TAFA1: variants seen among roughly 807,000 people sequenced by gnomAD.
TAFA1 encodes chemokine-like protein TAFA-1.
Under a neutral mutation model 18.5 loss-of-function variants are expected in TAFA1, and 4 were observed. That is an observed-to-expected ratio of 0.22 (90% CI 0.11 to 0.49). TAFA1 has a LOEUF of 0.49. Among genes scored for constraint, TAFA1 ranks in the 20% least tolerant of loss-of-function variants. TAFA1 has a pLI of 0.98. For synonymous variants in TAFA1, 56 were observed against 55.2 expected, an observed-to-expected ratio of 1.01 and a Z score of -0.06; for missense variants, 147 against 169.0, an observed-to-expected ratio of 0.87 and a Z score of 0.72.
chr3:68,186,976 G>A (rs1207965770), intron 2 of TAFA1, among the ~76,000 whole-genome samples: 9 of 150,800 alleles, frequency 6.0e-5, no homozygotes, highest in Non-Finnish European at 1.0e-4. Flanking sequence ...TGAAGTTTGT[G>A]GGAAAAAAAA....
At chr3:68,459,140 G>T (rs1298261680) in intron 3 of TAFA1, among the ~76,000 whole-genome samples, 1 of 152,134 alleles carries the variant, frequency 6.6e-6, no homozygotes, top group Non-Finnish European at 1.5e-5. Flanking sequence ...TCCCTGGGAG[G>T]GGGGTACCAT....
At chr3:68,154,933 A>C (rs1396021701) in intron 2 of TAFA1, among the ~76,000 whole-genome samples, 1 of 152,192 alleles carries the variant, frequency 6.6e-6, no homozygotes, top group Non-Finnish European at 1.5e-5. Flanking sequence ...AAAAATACAA[A>C]TCATAATTTT....
intron 2 of TAFA1, among the ~76,000 whole-genome samples, chr3:68,163,671 G>C (rs2065951124): frequency 6.6e-6 from 1 of 152,134 alleles, no homozygotes. Context: ...TTTAAACTAT[G>C]ACATTTTTAA....
At chr3:68,080,142 C>CT (rs1309256185) in intron 2 of TAFA1, among the ~76,000 whole-genome samples, 32 of 152,216 alleles carry the variant, frequency 2.1e-4, no homozygotes, top group South Asian at 4.1e-4. Context: ...CAACCCCTGC[C>CT]TTTTTTTATT....
intron 3 of TAFA1, among the ~76,000 whole-genome samples, chr3:68,434,604 C>A (rs1027917577): frequency 3.3e-5 from 5 of 151,942 alleles, no homozygotes; most frequent in African/African-American, 9.7e-5. Context: ...TTCTAATATT[C>A]CTGGAAGGCA....
At chr3:68,031,098 T>C (rs189999131) in intron 2 of TAFA1, among the ~76,000 whole-genome samples, 1 of 152,314 alleles carries the variant, frequency 6.6e-6, no homozygotes, top group East Asian at 1.9e-4. Context: ...GTTTCCTATG[T>C]TAACTTAGCA....
chr3:68,429,299 G>C (rs900715880), intron 3 of TAFA1, among the ~76,000 whole-genome samples: 1 of 151,898 alleles, frequency 6.6e-6, no homozygotes, highest in Non-Finnish European at 1.5e-5. Flanking sequence ...AGTTCTTACT[G>C]TGTGCCAGAC....
intron 3 of TAFA1, among the ~76,000 whole-genome samples, chr3:68,451,361 G>A (rs1173265826): frequency 1.3e-5 from 2 of 152,168 alleles, no homozygotes; most frequent in Non-Finnish European, 2.9e-5. Flanking sequence ...GATATCCAGA[G>A]GGTAAAGACT....
At chr3:68,303,395 G>C (rs191383315) in intron 2 of TAFA1, among the ~76,000 whole-genome samples, 110 of 152,224 alleles carry the variant, frequency 7.2e-4, no homozygotes, top group Non-Finnish European at 1.4e-3. Flanking sequence ...TGCCTAAAGA[G>C]GAAACAAAAC....
chr3:68,444,769 A>C (rs1297928825), intron 3 of TAFA1, among the ~76,000 whole-genome samples: 1 of 63,618 alleles, frequency 1.6e-5, no homozygotes, highest in Non-Finnish European at 2.9e-5. Context: ...TTGTTTCTAC[A>C]AAATATATAT....
intron 2 of TAFA1, among the ~76,000 whole-genome samples, chr3:68,286,001 A>T (rs1177955430): frequency 6.6e-6 from 1 of 152,084 alleles, no homozygotes; most frequent in Non-Finnish European, 1.5e-5. Context: ...TCACGAGGTC[A>T]AGAGATTGAG....
intron 2 of TAFA1, among the ~76,000 whole-genome samples, chr3:68,060,773 A>G (rs13316249): frequency 0.35 from 53,107 of 152,066 alleles, 9,906 homozygotes; most frequent in East Asian, 0.49. Flanking sequence ...GGGCTTGAGA[A>G]AGGCTGTATA....
intron 2 of TAFA1, among the ~76,000 whole-genome samples, chr3:68,265,285 G>A: frequency 6.6e-6 from 1 of 152,268 alleles, no homozygotes; most frequent in South Asian, 2.1e-4. Context: ...TTGCTAGGAA[G>A]TCTAACCACA....
chr3:68,441,249 G>A lies in TAFA1; in HGVS notation c.259+23829G>A, dbSNP rs192562149. Among the ~76,000 whole-genome samples, 56 of 152,288 alleles carry A rather than the reference G, an allele frequency of 3.7e-4. 1 individual carries two copies. The highest frequency in any genetic ancestry group is 6.5e-4 in the Non-Finnish European group (44 of 68,012). ...AACAAGAGAAGGCTCTGCAACAGGT[G>A]CAGGCTGCTTTGTAAGCTGCTCTGC... On this transcript the variant is annotated intron_variant, in intron 3 of 4. Transcript: ENST00000478136.
chr3:68,489,631 T>C (rs988028175), intron 3 of TAFA1, among the ~76,000 whole-genome samples: 16 of 152,186 alleles, frequency 1.1e-4, no homozygotes, highest in African/African-American at 3.9e-4. Context: ...TTTCACTGTG[T>C]TGACATTTGC....
At chr3:68,156,776 GAAA>G (rs67463084) in intron 2 of TAFA1, among the ~76,000 whole-genome samples, 128,868 of 151,744 alleles carry the variant, frequency 0.85, 56,728 homozygotes, top group South Asian at 0.96. Context: ...CTGTGCCAGG[GAAA>G]AAAATAATAA....
intron 2 of TAFA1, among the ~76,000 whole-genome samples, chr3:68,166,193 T>G (rs1323970933): frequency 4.6e-5 from 7 of 152,216 alleles, no homozygotes; most frequent in Admixed American, 2.0e-4. Flanking sequence ...AGGTCTTATT[T>G]GCAGGGACAA....
At chr3:68,202,654 G>A (rs1231599917) in intron 2 of TAFA1, among the ~76,000 whole-genome samples, 1 of 151,272 alleles carries the variant, frequency 6.6e-6, no homozygotes, top group Non-Finnish European at 1.5e-5. Flanking sequence ...CCACTTTATG[G>A]GTACTGTGAG....
At chr3:68,451,057 A>G (rs1047233160) in intron 3 of TAFA1, among the ~76,000 whole-genome samples, 1 of 152,216 alleles carries the variant, frequency 6.6e-6, no homozygotes, top group Non-Finnish European at 1.5e-5. Context: ...TCCAGAGTCC[A>G]GGCTCTTGAC....
Sources: gnomAD v4.1 joint callset for allele counts (sites outside exome capture counted in the v4.1 genomes callset) on GRCh38, gnomAD v4.1.1 for gene constraint, MANE v1.5 for transcripts, NCBI Gene and HGNC (gene_info 2026-07-23, HGNC 2026-07-21) for gene names.